The following ZMYM4 variants were observed in gnomAD, a reference collection of about 807,000 sequenced individuals.
ZMYM4 encodes zinc finger MYM-type protein 4.
ZMYM4 carries 31 observed loss-of-function variants against 183.2 expected under a neutral mutation model. The ratio of observed to expected loss-of-function variants is 0.17; its 90% CI spans 0.13 to 0.23. ZMYM4 has a LOEUF of 0.23. Ranked by LOEUF, ZMYM4 falls within the 10% of genes least tolerant of loss-of-function variation. The pLI, the probability that ZMYM4 is intolerant of heterozygous loss-of-function variation, is 1.00. For missense variants in ZMYM4, 1,273 were observed against 1,840.3 expected (o/e 0.69, Z 5.64); for synonymous variants, 592 against 631.2 (o/e 0.94, Z 0.93).
intron 5 of ZMYM4, 25 bp downstream of exon 5, chr1:35,361,814 C>T (rs199894683): frequency 3.1e-6 from 5 of 1,589,292 alleles, no homozygotes; most frequent in Non-Finnish European, 4.3e-6. Flanking sequence ...TTTTTTCCCC[C>T]CTTCTTTTTG....
chr1:35,310,311 A>G, intron 1 of ZMYM4: 1 of 222,260 alleles, frequency 4.5e-6, no homozygotes, highest in Non-Finnish European at 8.8e-6. Context: ...AAGATTTTAA[A>G]AGGTATAAGC....
intron 26 of ZMYM4, among the ~76,000 whole-genome samples, chr1:35,412,698 T>C (rs1378792862): frequency 6.6e-6 from 1 of 152,128 alleles, no homozygotes; most frequent in Non-Finnish European, 1.5e-5. Flanking sequence ...AACGAAGATA[T>C]ATTTTTAAGC....
At chr1:35,321,191 T>C (rs1642266225) in intron 1 of ZMYM4, among the ~76,000 whole-genome samples, 2 of 152,300 alleles carry the variant, frequency 1.3e-5, no homozygotes, top group East Asian at 1.9e-4. Flanking sequence ...AAAGTTATTA[T>C]AGTTGTTACA....
intron 1 of ZMYM4, chr1:35,309,044 G>C: frequency 2.0e-6 from 2 of 985,370 alleles, no homozygotes; most frequent in African/African-American, 3.5e-5. Flanking sequence ...ATGTGAATTT[G>C]GGGAGAAATG....
intron 2 of ZMYM4, among the ~76,000 whole-genome samples, chr1:35,355,110 T>G (rs1643769296): frequency 6.6e-6 from 1 of 151,662 alleles, no homozygotes; most frequent in African/African-American, 2.4e-5. Flanking sequence ...CTCGGCTCAC[T>G]GCAAGCTTCG....
intron 1 of ZMYM4, among the ~76,000 whole-genome samples, chr1:35,275,763 G>T (rs1464659526): frequency 1.3e-5 from 2 of 152,010 alleles, no homozygotes; most frequent in East Asian, 1.9e-4. Flanking sequence ...CAACAAAATT[G>T]CTAATACTTG....
intron 15 of ZMYM4, among the ~76,000 whole-genome samples, chr1:35,390,599 C>T (rs1450324754): frequency 6.6e-6 from 1 of 152,128 alleles, no homozygotes; most frequent in Admixed American, 6.5e-5. Context: ...AGGAACCGGC[C>T]ATCTGGATGT....
intron 21 of ZMYM4, 80 bp from the exon 22 acceptor site, chr1:35,398,784 A>T: frequency 6.9e-7 from 1 of 1,455,654 alleles, no homozygotes; most frequent in Non-Finnish European, 9.4e-7. Context: ...TTTGGTATTT[A>T]GGGGTTCAGG....
chr1:35,395,377 C>T (rs549625204), intron 18 of ZMYM4, among the ~76,000 whole-genome samples: 1 of 152,112 alleles, frequency 6.6e-6, no homozygotes, highest in South Asian at 2.1e-4. Flanking sequence ...GGGAGGATCA[C>T]TTGAGCCCAG....
At chr1:35,390,182 C>A (rs1644673965) in intron 15 of ZMYM4, 84 bp downstream of exon 15, 8 of 1,389,870 alleles carry the variant, frequency 5.8e-6, no homozygotes, top group Middle Eastern at 2.0e-4. Flanking sequence ...ACTGTGTAAA[C>A]AGTTGTCATT....
intron 28 of ZMYM4, 37 bp downstream of exon 28, chr1:35,415,751 C>A: frequency 6.3e-7 from 1 of 1,599,814 alleles, no homozygotes; most frequent in South Asian, 1.1e-5. Flanking sequence ...TCTTTGAAGT[C>A]TTAGTAGTAG....
intron 2 of ZMYM4, among the ~76,000 whole-genome samples, chr1:35,346,650 CAAAAAAAA>C (rs746472685): frequency 5.5e-5 from 3 of 54,188 alleles, no homozygotes; most frequent in African/African-American, 1.4e-4. Context: ...GACTCCATCT[CAAAAAAAA>C]AAAAAAAAAA....
intron 26 of ZMYM4, among the ~76,000 whole-genome samples, chr1:35,410,480 T>C (rs1245951072): frequency 6.7e-6 from 1 of 150,258 alleles, no homozygotes; most frequent in African/African-American, 2.4e-5. Context: ...ATTTATCTGT[T>C]TATTAATTAA....
rs535626841 is a variant in ZMYM4 at position 35,347,457 on chromosome 1, C to G, written c.86-11468C>G. 3.3e-5 allele frequency among the ~76,000 whole-genome samples: 5 copies of G among 151,900 alleles called. No individual in the cohort carries two copies. In the South Asian group the frequency reaches 1.0e-3, roughly 32 times the overall value. On this transcript the variant is annotated intron_variant, in intron 2 of 29. Transcript: ENST00000314607. ...TGATGCCATTGAGGGAAAAAAAGTA[C>G]AAGTTACTCTGTCTCTACAGTTATA...
chr1:35,272,708 A>G (rs1183364824), intron 1 of ZMYM4, among the ~76,000 whole-genome samples: 1 of 151,940 alleles, frequency 6.6e-6, no homozygotes, highest in African/African-American at 2.4e-5. Flanking sequence ...AGGTGACTGC[A>G]TTTTTTGTTG....
intron 2 of ZMYM4, among the ~76,000 whole-genome samples, chr1:35,344,695 A>G (rs916303423): frequency 1.3e-5 from 2 of 152,062 alleles, no homozygotes; most frequent in African/African-American, 2.4e-5. Flanking sequence ...ATGATATATT[A>G]TTTGTTTTAT....
chr1:35,398,397 T>C lies in ZMYM4; in HGVS notation c.3200-16T>C. The C allele has an allele frequency of 1.9e-6, 3 of 1,603,714 alleles. No individual in the cohort carries two copies. Among genetic ancestry groups the C allele is most frequent in the Non-Finnish European group, 2.6e-6 (3 of 1,175,920 alleles). Reference sequence around the variant, plus strand: ...GTCTAAACATAAATTATTTATGTGCTTTTCTTTTTCTTTAGAGTCCCAAAC... The same window carrying C: ...GTCTAAACATAAATTATTTATGTGCCTTTCTTTTTCTTTAGAGTCCCAAAC... On this transcript the variant is annotated splice_polypyrimidine_tract_variant and intron_variant, in intron 20 of 29. Transcript: ENST00000314607.
Position 35,387,092 on chromosome 1 carries a change from A to G in ZMYM4, c.1926A>G (p.Thr642=), listed in dbSNP as rs1412202682. Residue 642 remains threonine (T), a synonymous_variant, in exon 12 of 30, where the codon ACA becomes ACG. Transcript: ENST00000314607. The part of the protein sequence containing the change: ...QVIVSIPTGS[T]VSAGGGSTSA... ...TTGTAAGCATCCCCACAGGTTCCACAGTGTCAGCCGGAGGAGGTAGCACAT... is the reference window on the plus strand; with the variant it reads ...TTGTAAGCATCCCCACAGGTTCCACGGTGTCAGCCGGAGGAGGTAGCACAT... The G allele has an allele frequency of 6.2e-7, 1 of 1,614,246 alleles. No homozygotes were observed. Among genetic ancestry groups the G allele is most frequent in the Non-Finnish European group, 8.5e-7 (1 of 1,180,042 alleles).
chr1:35,357,249 C>G (rs1282980481), intron 2 of ZMYM4, among the ~76,000 whole-genome samples: 1 of 152,146 alleles, frequency 6.6e-6, no homozygotes, highest in Non-Finnish European at 1.5e-5. Flanking sequence ...TAATCCAACT[C>G]AAATCAACTT....
Sources: allele counts gnomAD v4.1 joint callset (sites outside exome capture counted in the v4.1 genomes callset), GRCh38; gene constraint gnomAD v4.1.1; transcripts MANE v1.5; gene names NCBI Gene and HGNC (gene_info 2026-07-23, HGNC 2026-07-21).